The following MAP2K1 variants were observed in gnomAD, a reference collection of about 807,000 sequenced individuals.
MAP2K1 encodes mitogen-activated protein kinase kinase 1.
In MAP2K1, 16 loss-of-function variants were observed where a neutral mutation model predicts 46.3. The observed-to-expected ratio is 0.35, with a 90% confidence interval of 0.23 to 0.52. The LOEUF is 0.52. Ranked by LOEUF, MAP2K1 falls within the 20% of genes least tolerant of loss-of-function variation. The pLI, the probability that MAP2K1 is intolerant of heterozygous loss-of-function variation, is 0.94. For synonymous variants in MAP2K1, 183 were observed against 185.6 expected (o/e 0.99, Z 0.11); for missense variants, 263 against 497.1 (o/e 0.53, Z 4.48).
intron 1 of MAP2K1, among the ~76,000 whole-genome samples, chr15:66,428,222 C>G (rs2093464577): frequency 6.6e-6 from 1 of 151,380 alleles, no homozygotes; most frequent in South Asian, 2.1e-4. Context: ...AATTCCCCTC[C>G]TTCCCTATAT....
intron 7 of MAP2K1, among the ~76,000 whole-genome samples, chr15:66,485,420 AG>A (rs1893014616): frequency 6.6e-6 from 1 of 152,214 alleles, no homozygotes; most frequent in Non-Finnish European, 1.5e-5. Flanking sequence ...TACTGCACTT[AG>A]GACTTTATAC....
chr15:66,406,888 C>A (rs143426266), intron 1 of MAP2K1, among the ~76,000 whole-genome samples: 1 of 151,966 alleles, frequency 6.6e-6, no homozygotes, highest in Non-Finnish European at 1.5e-5. Context: ...AAAAATTAGC[C>A]GGGCGTGGTG....
chr15:66,419,805 T>C (rs566920141), intron 1 of MAP2K1, among the ~76,000 whole-genome samples: 3 of 152,278 alleles, frequency 2.0e-5, no homozygotes, highest in Non-Finnish European at 4.4e-5. Context: ...CCAGGGGGTG[T>C]TTTTGTTTGT....
intron 8 of MAP2K1, chr15:66,489,002 T>C: frequency 3.3e-6 from 2 of 615,264 alleles, no homozygotes. Flanking sequence ...AAATGTGCTA[T>C]TTGAGATCAG....
intron 5 of MAP2K1, among the ~76,000 whole-genome samples, chr15:66,459,724 G>C (rs1892269367): frequency 6.6e-6 from 1 of 152,138 alleles, no homozygotes; most frequent in South Asian, 2.1e-4. Flanking sequence ...GGGGTCTTCA[G>C]CAATGGTCAG....
intron 1 of MAP2K1, among the ~76,000 whole-genome samples, chr15:66,433,997 G>A (rs1363953553): frequency 6.6e-6 from 1 of 152,212 alleles, no homozygotes. Flanking sequence ...ACTCGCTTCA[G>A]CACCCACTGG....
intron 5 of MAP2K1, among the ~76,000 whole-genome samples, chr15:66,455,032 A>G (rs1297854663): frequency 6.6e-6 from 1 of 152,210 alleles, no homozygotes; most frequent in Non-Finnish European, 1.5e-5. Flanking sequence ...CCTGGCGTAC[A>G]ACTCTAACAG....
chr15:66,470,256 A>G (rs1300237626), intron 5 of MAP2K1, among the ~76,000 whole-genome samples: 7 of 152,070 alleles, frequency 4.6e-5, no homozygotes, highest in Non-Finnish European at 5.9e-5. Flanking sequence ...GTAAAGCAAA[A>G]CAAATGATCA....
At chr15:66,448,292 G>T (rs1200622794) in intron 5 of MAP2K1, among the ~76,000 whole-genome samples, 2 of 152,140 alleles carry the variant, frequency 1.3e-5, no homozygotes, top group Non-Finnish European at 2.9e-5. Flanking sequence ...GTCCTTTAGG[G>T]ACTGGCTTGT....
intron 5 of MAP2K1, among the ~76,000 whole-genome samples, chr15:66,480,850 C>G (rs1381419853): frequency 6.6e-6 from 1 of 152,212 alleles, no homozygotes; most frequent in African/African-American, 2.4e-5. Context: ...GGGGCCTTCA[C>G]CAAGTCCCAG....
chr15:66,440,428 C>T (rs2093500628), intron 3 of MAP2K1, among the ~76,000 whole-genome samples: 1 of 152,168 alleles, frequency 6.6e-6, no homozygotes, highest in African/African-American at 2.4e-5. Flanking sequence ...GTGTCATCAG[C>T]ATTGGTTGAG....
At chr15:66,472,535 C>T (rs4776786) in intron 5 of MAP2K1, among the ~76,000 whole-genome samples, 131,682 of 152,122 alleles carry the variant, frequency 0.87, 57,036 homozygotes, top group East Asian at 0.93. Flanking sequence ...GGCCAGGTGA[C>T]AGGGAGCTGT....
In MAP2K1 at chr15:66,387,146, G is replaced by T. The variant is rs1405529179; in HGVS notation, c.-202G>T. The T allele has an allele frequency of 1.1e-5, 5 of 460,706 alleles. No homozygotes were observed. The South Asian group carries it at 2.1e-4, about 19-fold the overall frequency. 28.5% of individuals were successfully genotyped at this position (460,706 alleles called of 1,614,324 possible). A position where few individuals can be genotyped will look rare whatever the true frequency, so the allele number is the denominator to read the frequency against. On this transcript the variant is annotated 5_prime_UTR_variant, in exon 1 of 11. Transcript: ENST00000307102. Reference sequence around the variant, plus strand: ...CTCTCTGCGCGCGAAGCCGAGTCCCGGGCGGGTGGGGCGGGGGTCCACTGA... The same window carrying T: ...CTCTCTGCGCGCGAAGCCGAGTCCCTGGCGGGTGGGGCGGGGGTCCACTGA...
chr15:66,414,952 C>A, intron 1 of MAP2K1: 1 of 421,094 alleles, frequency 2.4e-6, no homozygotes, highest in South Asian at 1.7e-5. Context: ...CTTGCATAGC[C>A]ACTTGTGCTT....
At chr15:66,474,080 G>A (rs1452069975) in intron 5 of MAP2K1, among the ~76,000 whole-genome samples, 1 of 152,218 alleles carries the variant, frequency 6.6e-6, no homozygotes, top group East Asian at 1.9e-4. Flanking sequence ...GGGTTTGTGG[G>A]CCCTCTGGGT....
intron 5 of MAP2K1, among the ~76,000 whole-genome samples, chr15:66,459,487 G>A (rs1028357749): frequency 3.3e-5 from 5 of 150,074 alleles, no homozygotes; most frequent in African/African-American, 9.8e-5. Flanking sequence ...GCATGGTGGC[G>A]GGTACCTGTA....
chr15:66,464,240 C>T (rs1595876298), intron 5 of MAP2K1, among the ~76,000 whole-genome samples: 1 of 152,234 alleles, frequency 6.6e-6, no homozygotes, highest in South Asian at 2.1e-4. Context: ...TAGGAAAGCT[C>T]ATTTTTAGCA....
chr15:66,421,937 C>T (rs1291370030), intron 1 of MAP2K1, among the ~76,000 whole-genome samples: 4 of 150,900 alleles, frequency 2.7e-5, no homozygotes, highest in African/African-American at 9.8e-5. Flanking sequence ...CAGTTTGAGC[C>T]TCATATCCCC....
At chr15:66,461,816 G>A (rs185850332) in intron 5 of MAP2K1, among the ~76,000 whole-genome samples, 1 of 152,186 alleles carries the variant, frequency 6.6e-6, no homozygotes, top group East Asian at 1.9e-4. Context: ...CCTTATGGAA[G>A]TTTCCTTCTA....
Sources: allele counts gnomAD v4.1 joint callset (sites outside exome capture counted in the v4.1 genomes callset), GRCh38; gene constraint gnomAD v4.1.1; transcripts MANE v1.5; gene names NCBI Gene and HGNC (gene_info 2026-07-23, HGNC 2026-07-21).